AK4: variants seen among roughly 807,000 people sequenced by gnomAD.
AK4 encodes the protein adenylate kinase 4, mitochondrial.
A neutral mutation model predicts 24.6 loss-of-function variants in AK4; 13 were observed. The ratio of observed to expected loss-of-function variants is 0.53; its 90% CI spans 0.34 to 0.84. The LOEUF is 0.84. Ranked by LOEUF, AK4 falls within the 40% of genes least tolerant of loss-of-function variation. The pLI is 0.01. For missense variants in AK4, 192 were observed against 288.2 expected, an observed-to-expected ratio of 0.67 and a Z score of 2.42; for synonymous variants, 88 against 107.0, an observed-to-expected ratio of 0.82 and a Z score of 1.10.
intron 1 of AK4, among the ~76,000 whole-genome samples, chr1:65,166,351 T>TGTGTGTGTG (rs1650329989): frequency 1.4e-5 from 2 of 147,710 alleles, no homozygotes; most frequent in Admixed American, 6.8e-5. Context: ...TGTGTGTGTG[T>TGTGTGTGTG]TTACCACCCA....
chr1:65,199,510 C>G (rs963198597), intron 2 of AK4, among the ~76,000 whole-genome samples: 2 of 152,020 alleles, frequency 1.3e-5, no homozygotes, highest in Non-Finnish European at 2.9e-5. Flanking sequence ...GATCGTGCTA[C>G]TGTACTTTAG....
intron 1 of AK4, among the ~76,000 whole-genome samples, chr1:65,154,287 G>A (rs1006994766): frequency 4.6e-5 from 7 of 152,218 alleles, no homozygotes; most frequent in African/African-American, 1.7e-4. Flanking sequence ...AGTCTACAAT[G>A]AATCCTAGGG....
intron 1 of AK4, among the ~76,000 whole-genome samples, chr1:65,154,138 A>G (rs1649893267): frequency 6.6e-6 from 1 of 152,216 alleles, no homozygotes; most frequent in Non-Finnish European, 1.5e-5. Flanking sequence ...GAGGGAGACC[A>G]GTATGGATGA....
At chr1:65,154,013 C>G (rs1424928380) in intron 1 of AK4, among the ~76,000 whole-genome samples, 1 of 152,096 alleles carries the variant, frequency 6.6e-6, no homozygotes, top group Non-Finnish European at 1.5e-5. Context: ...GGATTTTATT[C>G]CAAGGGCACT....
intron 1 of AK4, among the ~76,000 whole-genome samples, chr1:65,180,917 G>A (rs1650883952): frequency 1.3e-5 from 2 of 152,218 alleles, no homozygotes; most frequent in Non-Finnish European, 2.9e-5. Flanking sequence ...CATGCAGTCT[G>A]ATACTTCAGG....
chr1:65,155,070 C>G (rs1376291011), intron 1 of AK4, among the ~76,000 whole-genome samples: 1 of 148,752 alleles, frequency 6.7e-6, no homozygotes, highest in African/African-American at 2.5e-5. Flanking sequence ...AGGCTGGTCT[C>G]GAACTCCTGA....
Position 65,150,470 on chromosome 1 carries a change from G to A in AK4, c.145+1918G>A, listed in dbSNP as rs1038968159. ...CAATTAAAAAAAAAACTTTATCAAAGAAAGAAGAAAAATAAAGGACAGCAA... is the reference window on the plus strand; with the variant it reads ...CAATTAAAAAAAAAACTTTATCAAAAAAAGAAGAAAAATAAAGGACAGCAA... On this transcript the variant is annotated intron_variant, in intron 1 of 4. Transcript: ENST00000327299. Among the ~76,000 whole-genome samples the A allele has an allele frequency of 3.3e-5, 5 of 151,880 alleles. No homozygotes were observed. The South Asian group carries it at 6.2e-4, about 19-fold the overall frequency.
intron 1 of AK4, among the ~76,000 whole-genome samples, chr1:65,176,734 C>T (rs1379709571): frequency 3.3e-5 from 5 of 151,982 alleles, no homozygotes; most frequent in East Asian, 1.9e-4. Context: ...CTTGAGGCCA[C>T]GATAAGTGAA....
chr1:65,221,132 TTGATAAAGACTATTTGGTTTA>T (rs1652282839), intron 3 of AK4, among the ~76,000 whole-genome samples: 1 of 152,200 alleles, frequency 6.6e-6, no homozygotes, highest in Non-Finnish European at 1.5e-5. Context: ...TATTGTTTTT[TTGATAAAGACTATTTGGTTTA>T]TGATAAAGAC....
At chr1:65,155,247 A>G (rs1186314221) in intron 1 of AK4, among the ~76,000 whole-genome samples, 1 of 151,058 alleles carries the variant, frequency 6.6e-6, no homozygotes, top group Non-Finnish European at 1.5e-5. Flanking sequence ...GGCTTAATAA[A>G]TGTTTCATTT....
intron 2 of AK4, among the ~76,000 whole-genome samples, chr1:65,218,322 G>GA (rs1158519672): frequency 6.6e-6 from 1 of 152,324 alleles, no homozygotes; most frequent in East Asian, 1.9e-4. Flanking sequence ...TAACTTGCCT[G>GA]AGGTGACACA....
chr1:65,180,102 TCAGG>T (rs1650850267), intron 1 of AK4, among the ~76,000 whole-genome samples: 1 of 152,202 alleles, frequency 6.6e-6, no homozygotes, highest in African/African-American at 2.4e-5. Context: ...GGATTTGAAC[TCAGG>T]CAGTCTGGCT....
At chr1:65,152,103 T>G (rs999063857) in intron 1 of AK4, among the ~76,000 whole-genome samples, 1 of 152,050 alleles carries the variant, frequency 6.6e-6, no homozygotes, top group South Asian at 2.1e-4. Context: ...GAACAAATTC[T>G]GATATTTAAT....
At chr1:65,225,969 A>G (rs1272342019) in intron 4 of AK4, 94 bp from the exon 5 acceptor site, 1 of 1,343,470 alleles carries the variant, frequency 7.4e-7, no homozygotes, top group Non-Finnish European at 1.0e-6. Context: ...GATATAGACC[A>G]TGAGATCATG....
intron 1 of AK4, among the ~76,000 whole-genome samples, chr1:65,183,649 CCGTGTGTGTGTG>C (rs1295449063): frequency 1.4e-4 from 16 of 111,630 alleles, no homozygotes; most frequent in Admixed American, 8.2e-4. Flanking sequence ...ATATAAATAT[CCGTGTGTGTGTG>C]TGTGTGTGTG....
chr1:65,189,741 A>T (rs1043303254), intron 1 of AK4, among the ~76,000 whole-genome samples: 1 of 151,822 alleles, frequency 6.6e-6, no homozygotes, highest in Admixed American at 6.6e-5. Flanking sequence ...GCTGAACCTA[A>T]CTCACAATTT....
chr1:65,207,210 C>T (rs1298914439), intron 2 of AK4, among the ~76,000 whole-genome samples: 1 of 152,110 alleles, frequency 6.6e-6, no homozygotes, highest in Non-Finnish European at 1.5e-5. Context: ...TTTCCTTCCT[C>T]CTCCCTTCCT....
At chr1:65,214,557 T>A (rs1652067926) in intron 2 of AK4, among the ~76,000 whole-genome samples, 1 of 152,172 alleles carries the variant, frequency 6.6e-6, no homozygotes, top group South Asian at 2.1e-4. Context: ...CAGGTAGAGA[T>A]AAATCTAGGC....
chr1:65,225,231 A>G (rs752357509), intron 4 of AK4, among the ~76,000 whole-genome samples: 1 of 152,182 alleles, frequency 6.6e-6, no homozygotes, highest in African/African-American at 2.4e-5. Flanking sequence ...GAAGATTAGA[A>G]GACACTTGGT....
Sources: allele counts gnomAD v4.1 joint callset (sites outside exome capture counted in the v4.1 genomes callset), GRCh38; gene constraint gnomAD v4.1.1; transcripts MANE v1.5; gene names NCBI Gene and HGNC (gene_info 2026-07-23, HGNC 2026-07-21).